CACNA2D3: variants seen among roughly 807,000 people sequenced by gnomAD.
The protein encoded by CACNA2D3 is voltage-dependent calcium channel subunit alpha-2/delta-3.
CACNA2D3 carries 60 observed loss-of-function variants against 160.6 expected under a neutral mutation model. The ratio of observed to expected loss-of-function variants is 0.37; its 90% CI spans 0.30 to 0.46. CACNA2D3 has a LOEUF of 0.46. Ranked by LOEUF, CACNA2D3 falls within the 20% of genes least tolerant of loss-of-function variation. The pLI is 1.00. For synonymous variants in CACNA2D3, 558 were observed against 492.9 expected, an observed-to-expected ratio of 1.13 and a Z score of -1.75; for missense variants, 1,205 against 1,365.0, an observed-to-expected ratio of 0.88 and a Z score of 1.85.
At chr3:54,250,950 T>A (rs1466786447) in intron 2 of CACNA2D3, among the ~76,000 whole-genome samples, 1 of 151,704 alleles carries the variant, frequency 6.6e-6, no homozygotes, top group Non-Finnish European at 1.5e-5. Context: ...TGAAGGCCAA[T>A]GACAGGAAGG....
At chr3:55,066,589 T>C (rs1704642032) in intron 35 of CACNA2D3, among the ~76,000 whole-genome samples, 1 of 152,134 alleles carries the variant, frequency 6.6e-6, no homozygotes, top group Admixed American at 6.5e-5. Context: ...CGGAAGATAG[T>C]GTGCGGCAAA....
At chr3:54,569,484 G>A (rs1432137426) in intron 6 of CACNA2D3, among the ~76,000 whole-genome samples, 4 of 152,098 alleles carry the variant, frequency 2.6e-5, no homozygotes, top group Admixed American at 6.5e-5. Flanking sequence ...AAATGACTTC[G>A]GCTACCTTTA....
intron 4 of CACNA2D3, among the ~76,000 whole-genome samples, chr3:54,426,800 A>G (rs1398363460): frequency 6.6e-6 from 1 of 152,116 alleles, no homozygotes; most frequent in Non-Finnish European, 1.5e-5. Flanking sequence ...TTCATTTTAC[A>G]AAGTAATTTG....
intron 9 of CACNA2D3, among the ~76,000 whole-genome samples, chr3:54,593,747 G>A (rs1702903485): frequency 6.6e-6 from 1 of 152,090 alleles, no homozygotes; most frequent in Non-Finnish European, 1.5e-5. Context: ...CCCTTGATAA[G>A]CACAGGCAAT....
intron 11 of CACNA2D3, among the ~76,000 whole-genome samples, chr3:54,725,592 T>C (rs1238223048): frequency 1.3e-5 from 2 of 152,214 alleles, no homozygotes; most frequent in Non-Finnish European, 2.9e-5. Flanking sequence ...ATACCTGGGA[T>C]GCAAGGTTGG....
At chr3:54,991,149 T>C (rs1390779834) in intron 31 of CACNA2D3, among the ~76,000 whole-genome samples, 2 of 151,940 alleles carry the variant, frequency 1.3e-5, no homozygotes, top group African/African-American at 4.8e-5. Context: ...CAGGCATAAA[T>C]AGGACCAGTT....
At chr3:54,528,284 C>A (rs6445686) in intron 5 of CACNA2D3, among the ~76,000 whole-genome samples, 2 of 151,904 alleles carry the variant, frequency 1.3e-5, no homozygotes, top group African/African-American at 2.4e-5. Flanking sequence ...AAAAAATGGG[C>A]ATGAGAATAG....
At chr3:54,716,495 T>C (rs1559557166) in intron 11 of CACNA2D3, among the ~76,000 whole-genome samples, 1 of 152,144 alleles carries the variant, frequency 6.6e-6, no homozygotes, top group Non-Finnish European at 1.5e-5. Context: ...AATTACGTAT[T>C]CATCTTACAC....
chr3:54,554,853 CTT>C (rs1461171753), intron 5 of CACNA2D3, among the ~76,000 whole-genome samples: 3 of 136,622 alleles, frequency 2.2e-5, no homozygotes, highest in African/African-American at 8.4e-5. Flanking sequence ...TATTTCTTTT[CTT>C]TTCTCTCTCA....
chr3:54,146,047 C>G (rs1309584342), intron 2 of CACNA2D3, among the ~76,000 whole-genome samples: 1 of 151,986 alleles, frequency 6.6e-6, no homozygotes. Context: ...TCTAGAATTT[C>G]TATTATGGTT....
chr3:54,483,274 T>A (rs556632757), intron 4 of CACNA2D3, among the ~76,000 whole-genome samples: 99 of 152,318 alleles, frequency 6.5e-4, no homozygotes, highest in African/African-American at 2.3e-3. Flanking sequence ...GAGGTCTTGA[T>A]GCACAGAGCC....
intron 2 of CACNA2D3, among the ~76,000 whole-genome samples, chr3:54,164,061 T>C (rs533848592): frequency 6.6e-6 from 1 of 152,290 alleles, no homozygotes; most frequent in South Asian, 2.1e-4. Flanking sequence ...TTGAACATCA[T>C]GTAGCAGTTA....
chr3:54,659,116 TAGTC>T (rs1197891833), intron 11 of CACNA2D3, among the ~76,000 whole-genome samples: 1 of 152,200 alleles, frequency 6.6e-6, no homozygotes, highest in Non-Finnish European at 1.5e-5. Context: ...CCAGCTATCT[TAGTC>T]AGTGCTTTTC....
chr3:54,598,839 A>T (rs967388304), intron 9 of CACNA2D3, among the ~76,000 whole-genome samples: 5 of 152,132 alleles, frequency 3.3e-5, no homozygotes, highest in Non-Finnish European at 5.9e-5. Context: ...TCTCTGAGTA[A>T]AATGCGGTGA....
At chr3:54,256,943 G>A (rs1702309210) in intron 2 of CACNA2D3, among the ~76,000 whole-genome samples, 1 of 152,176 alleles carries the variant, frequency 6.6e-6, no homozygotes, top group African/African-American at 2.4e-5. Context: ...GGTCAGTGCT[G>A]GCACTTTATA....
chr3:54,990,761 C>T (rs1702721502), intron 31 of CACNA2D3, among the ~76,000 whole-genome samples: 1 of 152,128 alleles, frequency 6.6e-6, no homozygotes, highest in Non-Finnish European at 1.5e-5. Context: ...ACCTCGTGAC[C>T]CATTGGCTGT....
intron 5 of CACNA2D3, among the ~76,000 whole-genome samples, chr3:54,543,579 C>G (rs964500652): frequency 6.6e-6 from 1 of 152,156 alleles, no homozygotes; most frequent in African/African-American, 2.4e-5. Flanking sequence ...TTATTCCACT[C>G]TCCTGCCATG....
intron 2 of CACNA2D3, among the ~76,000 whole-genome samples, chr3:54,232,431 A>G (rs1365726889): frequency 6.6e-6 from 1 of 152,208 alleles, no homozygotes; most frequent in Non-Finnish European, 1.5e-5. Context: ...TAGGATTACT[A>G]TACTGGGCCC....
At chr3:55,000,521 G>T (rs3773572) in intron 31 of CACNA2D3, among the ~76,000 whole-genome samples, 59,388 of 151,990 alleles carry the variant, frequency 0.39, 12,231 homozygotes, top group African/African-American at 0.53. Context: ...TATTCCTATG[G>T]AACAAACCTG....
Sources: allele counts gnomAD v4.1 joint callset (sites outside exome capture counted in the v4.1 genomes callset), GRCh38; gene constraint gnomAD v4.1.1; transcripts MANE v1.5; gene names NCBI Gene and HGNC (gene_info 2026-07-23, HGNC 2026-07-21).